NUDCD3: variants seen among roughly 807,000 people sequenced by gnomAD.
The protein encoded by NUDCD3 is NudC domain containing 3.
Under a neutral mutation model 39.7 loss-of-function variants are expected in NUDCD3, and 13 were observed. That is an observed-to-expected ratio of 0.33 (90% CI 0.21 to 0.52). NUDCD3 has a LOEUF of 0.52. NUDCD3 is among the 20% of genes least tolerant of loss of function. The pLI is 0.96. For missense variants in NUDCD3, 453 were observed against 458.1 expected, an observed-to-expected ratio of 0.99 and a Z score of 0.10; for synonymous variants, 175 against 172.4, an observed-to-expected ratio of 1.02 and a Z score of -0.12.
chr7:44,393,404 C>T (rs190045818), intron 4 of NUDCD3, among the ~76,000 whole-genome samples: 98 of 152,266 alleles, frequency 6.4e-4, no homozygotes, highest in Non-Finnish European at 1.2e-3. Flanking sequence ...CCTAGGTGAC[C>T]CTGGCTGCTT....
intron 2 of NUDCD3, among the ~76,000 whole-genome samples, chr7:44,439,486 T>A (rs998414806): frequency 6.6e-6 from 1 of 151,810 alleles, no homozygotes; most frequent in African/African-American, 2.4e-5. Flanking sequence ...TAAAGGGAAT[T>A]GGGCTCCCTG....
chr7:44,421,260 G>A (rs1799131289), intron 3 of NUDCD3, among the ~76,000 whole-genome samples: 2 of 151,560 alleles, frequency 1.3e-5, no homozygotes, highest in African/African-American at 4.9e-5. Context: ...CTTGAACCTG[G>A]GAGGCAGAGG....
At chr7:44,446,597 C>T (rs1328539324) in intron 2 of NUDCD3, among the ~76,000 whole-genome samples, 3 of 152,234 alleles carry the variant, frequency 2.0e-5, no homozygotes, top group Non-Finnish European at 4.4e-5. Flanking sequence ...GCCCCAAAAC[C>T]TAGGCCCCAG....
intron 2 of NUDCD3, among the ~76,000 whole-genome samples, chr7:44,442,391 GTAGTTCCAGGGGCTGT>G (rs1158601949): frequency 6.6e-6 from 1 of 152,204 alleles, no homozygotes; most frequent in Non-Finnish European, 1.5e-5. Flanking sequence ...GCCAAAAGAA[GTAGTTCCAGGGGCTGT>G]TTGGGGGCAC....
At chr7:44,390,225 G>A (rs957546648) in intron 5 of NUDCD3, among the ~76,000 whole-genome samples, 5 of 152,106 alleles carry the variant, frequency 3.3e-5, no homozygotes, top group East Asian at 1.9e-4. Flanking sequence ...TTAGCTGGGC[G>A]TGGTGGTGTG....
intron 3 of NUDCD3, among the ~76,000 whole-genome samples, chr7:44,425,001 A>G (rs1464246489): frequency 6.6e-6 from 1 of 152,232 alleles, no homozygotes; most frequent in East Asian, 1.9e-4. Flanking sequence ...AGGTACATGG[A>G]TGAAGCTGGA....
At position 44,422,626 on chromosome 7, in the gene NUDCD3, G is replaced by A; in HGVS notation, c.642+4945C>T. 1.3e-5 allele frequency among the ~76,000 whole-genome samples: 2 copies of A among 152,162 alleles called. 1 individual carries two copies. Among genetic ancestry groups the A allele is most frequent in the East Asian group, 3.8e-4 (2 of 5,202 alleles). ...CCTGAAAAGACCAATAACAAGTTCT[G>A]AAATTGAGGCAATAATTAACAGCCT... On this transcript the variant is annotated intron_variant, in intron 3 of 5. Transcript: ENST00000355451.
At chr7:44,480,941 CAAAAAAAAAAAAAA>C in intron 2 of NUDCD3, among the ~76,000 whole-genome samples, 1 of 34,882 alleles carries the variant, frequency 2.9e-5, no homozygotes, top group East Asian at 1.7e-3. Context: ...GACCCAGTAT[CAAAAAAAAAAAAAA>C]AAAAAAAAAA....
intron 2 of NUDCD3, chr7:44,468,348 GCAAAAA>G: frequency 3.3e-6 from 1 of 305,492 alleles, no homozygotes; most frequent in South Asian, 8.3e-5. Flanking sequence ...TGTAAAAACT[GCAAAAA>G]AAAAAAAAAA....
At chr7:44,417,574 T>A (rs1015665094) in intron 3 of NUDCD3, among the ~76,000 whole-genome samples, 1 of 152,174 alleles carries the variant, frequency 6.6e-6, no homozygotes, top group South Asian at 2.1e-4. Flanking sequence ...AACTGTAAAT[T>A]TTTTTTAGCC....
chr7:44,387,969 C>T (rs1478147641), intron 5 of NUDCD3, among the ~76,000 whole-genome samples: 1 of 152,186 alleles, frequency 6.6e-6, no homozygotes, highest in African/African-American at 2.4e-5. Context: ...GGCACCTGTA[C>T]ATTCCACATT....
intron 5 of NUDCD3, among the ~76,000 whole-genome samples, chr7:44,391,602 C>G (rs189248057): frequency 6.6e-6 from 1 of 152,190 alleles, no homozygotes; most frequent in African/African-American, 2.4e-5. Flanking sequence ...GGCTGCACTG[C>G]GTCCGCGTGC....
chr7:44,432,739 C>T (rs757829892), intron 2 of NUDCD3, among the ~76,000 whole-genome samples: 5 of 152,198 alleles, frequency 3.3e-5, no homozygotes, highest in South Asian at 2.1e-4. Flanking sequence ...AACTACATTG[C>T]GCAAAAGCCA....
intron 5 of NUDCD3, among the ~76,000 whole-genome samples, chr7:44,386,582 A>G (rs138809627): frequency 6.6e-6 from 1 of 152,200 alleles, no homozygotes; most frequent in African/African-American, 2.4e-5. Context: ...TGTGCAGAGG[A>G]GATACCCTAG....
At chr7:44,430,603 C>A (rs1045386875) in intron 2 of NUDCD3, among the ~76,000 whole-genome samples, 4 of 149,252 alleles carry the variant, frequency 2.7e-5, no homozygotes, top group Non-Finnish European at 6.0e-5. Context: ...CACACACACA[C>A]AAAAGACCAA....
chr7:44,460,934 T>C (rs562048978), intron 2 of NUDCD3, among the ~76,000 whole-genome samples: 1 of 152,364 alleles, frequency 6.6e-6, no homozygotes, highest in East Asian at 1.9e-4. Context: ...TTGGAAAATC[T>C]TTCATTATTT....
At chr7:44,393,227 A>C (rs1456268687) in intron 4 of NUDCD3, among the ~76,000 whole-genome samples, 2 of 152,078 alleles carry the variant, frequency 1.3e-5, no homozygotes, top group African/African-American at 4.8e-5. Flanking sequence ...CTCCTTGGGC[A>C]CCTCTGTGGG....
chr7:44,467,805 C>T (rs1338545370), intron 2 of NUDCD3: 29 of 887,084 alleles, frequency 3.3e-5, no homozygotes, highest in Non-Finnish European at 4.9e-5. Context: ...AAGAAAAAAA[C>T]TAAGACCTCA....
chr7:44,479,353 AAT>A (rs1800442220), intron 2 of NUDCD3, among the ~76,000 whole-genome samples: 1 of 152,236 alleles, frequency 6.6e-6, no homozygotes, highest in Non-Finnish European at 1.5e-5. Context: ...AACACAAAAC[AAT>A]TGTCTGTATA....
Sources: gnomAD v4.1 joint callset for allele counts (sites outside exome capture counted in the v4.1 genomes callset) on GRCh38, gnomAD v4.1.1 for gene constraint, MANE v1.5 for transcripts, NCBI Gene and HGNC (gene_info 2026-07-23, HGNC 2026-07-21) for gene names.